Variants in EMCN observed in about 807,000 individuals in gnomAD.
EMCN encodes the protein endomucin.
In EMCN, 37 loss-of-function variants were observed where a neutral mutation model predicts 38.4. The ratio of observed to expected loss-of-function variants is 0.96; its 90% CI spans 0.74 to 1.27. The LOEUF (loss-of-function observed/expected upper bound fraction) is 1.27, where lower values mean the gene tolerates loss of function less well. Among genes scored for constraint, EMCN ranks in the 50% most tolerant of loss-of-function variants. The pLI, the probability that EMCN is intolerant of heterozygous loss-of-function variation, is 0.00. For missense variants in EMCN, 318 were observed against 302.8 expected (o/e 1.05, Z -0.37); for synonymous variants, 95 against 100.8 (o/e 0.94, Z 0.35).
chr4:100,488,899 T>A (rs1729007483), intron 1 of EMCN, among the ~76,000 whole-genome samples: 1 of 152,022 alleles, frequency 6.6e-6, no homozygotes, highest in Non-Finnish European at 1.5e-5. Context: ...TCAGAGAGAA[T>A]TTTTTTTGCC....
chr4:100,417,051 G>A, intron 9 of EMCN, 66 bp downstream of exon 9: 1 of 1,476,084 alleles, frequency 6.8e-7, no homozygotes, highest in Non-Finnish European at 9.5e-7. Flanking sequence ...AGTATAAGTA[G>A]AGTAACAATA....
intron 3 of EMCN, among the ~76,000 whole-genome samples, chr4:100,472,122 A>T (rs1728495022): frequency 6.6e-6 from 1 of 151,918 alleles, no homozygotes; most frequent in African/African-American, 2.4e-5. Context: ...TATAAATAAA[A>T]GAAAGTCATC....
Position 100,396,331 on chromosome 4 carries a change from C to T in EMCN, c.*2082G>A, listed in dbSNP as rs1319361685. The T allele has an allele frequency of 2.0e-5, 3 of 152,054 alleles. No individual in the cohort carries two copies. The highest frequency in any genetic ancestry group is 4.8e-5 in the African/African-American group (2 of 41,406). The allele number at this position is 152,054 out of a possible 1,614,324, so 9.4% of individuals were successfully genotyped here. On this transcript the variant is annotated 3_prime_UTR_variant, in exon 12 of 12. Coordinates refer to ENST00000296420, the MANE Select transcript of EMCN (RefSeq NM_016242.4). ...CTTTTCTGACCATTAAAATTGTTCC[C>T]TCTTCCTAATTCTTGTAAACTCTTT...
intron 2 of EMCN, among the ~76,000 whole-genome samples, chr4:100,476,187 C>T (rs1264807776): frequency 6.9e-6 from 1 of 144,530 alleles, no homozygotes; most frequent in Non-Finnish European, 1.5e-5. Context: ...CCCTCCCTCC[C>T]TTCTTCCTTC....
chr4:100,494,030 C>T (rs779883056), intron 1 of EMCN, among the ~76,000 whole-genome samples: 1 of 152,292 alleles, frequency 6.6e-6, no homozygotes, highest in East Asian at 1.9e-4. Context: ...AAAAACATAT[C>T]TTTTCCTTTT....
intron 5 of EMCN, among the ~76,000 whole-genome samples, chr4:100,434,858 T>C (rs1010306078): frequency 6.6e-6 from 1 of 151,952 alleles, no homozygotes; most frequent in Non-Finnish European, 1.5e-5. Context: ...ATAAACTGGG[T>C]ATTGAAGGAA....
intron 11 of EMCN, among the ~76,000 whole-genome samples, chr4:100,409,829 C>CG (rs1466418859): frequency 5.3e-5 from 8 of 152,320 alleles, no homozygotes; most frequent in Non-Finnish European, 1.2e-4. Context: ...CTGAGCCAGC[C>CG]TACGGCTGTG....
chr4:100,401,216 G>A (rs1053715145), intron 11 of EMCN, among the ~76,000 whole-genome samples: 1 of 151,890 alleles, frequency 6.6e-6, no homozygotes, highest in South Asian at 2.1e-4. Context: ...CATATCTGTG[G>A]GTTCTATGTC....
chr4:100,404,868 T>C (rs1322398077), intron 11 of EMCN, among the ~76,000 whole-genome samples: 2 of 152,182 alleles, frequency 1.3e-5, no homozygotes, highest in Non-Finnish European at 2.9e-5. Context: ...TTTCCATTGG[T>C]TCATGTCATT....
chr4:100,466,112 A>T (rs537800560), intron 3 of EMCN, among the ~76,000 whole-genome samples: 1 of 152,298 alleles, frequency 6.6e-6, no homozygotes, highest in African/African-American at 2.4e-5. Flanking sequence ...AAAATTTACA[A>T]CAAAAATATA....
chr4:100,480,368 A>G (rs1286994108), intron 1 of EMCN, among the ~76,000 whole-genome samples: 1 of 152,052 alleles, frequency 6.6e-6, no homozygotes, highest in African/African-American at 2.4e-5. Context: ...AAATGCTTAA[A>G]TGGGCACTCT....
intron 1 of EMCN, among the ~76,000 whole-genome samples, chr4:100,510,585 G>A (rs1242377695): frequency 6.6e-6 from 1 of 152,064 alleles, no homozygotes; most frequent in Admixed American, 6.5e-5. Flanking sequence ...CGCTATTCTG[G>A]GTGCTTTCTG....
At chr4:100,488,289 A>G (rs1728992011) in intron 1 of EMCN, among the ~76,000 whole-genome samples, 1 of 152,204 alleles carries the variant, frequency 6.6e-6, no homozygotes, top group Non-Finnish European at 1.5e-5. Context: ...CAGGAGTTCT[A>G]CATAATTGGT....
chr4:100,400,192 A>G (rs544293930), intron 11 of EMCN, among the ~76,000 whole-genome samples: 7 of 152,288 alleles, frequency 4.6e-5, no homozygotes, highest in African/African-American at 1.7e-4. Context: ...GACATTTTAA[A>G]AAATACAATA....
intron 5 of EMCN, among the ~76,000 whole-genome samples, chr4:100,434,233 C>G (rs1727284740): frequency 6.6e-6 from 1 of 152,066 alleles, no homozygotes; most frequent in Non-Finnish European, 1.5e-5. Flanking sequence ...TCAGAGACTA[C>G]TATAAACACC....
At chr4:100,428,267 G>A (rs977635458) in intron 5 of EMCN, among the ~76,000 whole-genome samples, 11 of 152,074 alleles carry the variant, frequency 7.2e-5, no homozygotes, top group African/African-American at 2.4e-4. Flanking sequence ...CTCTCCTCAA[G>A]TTCTAGCTCT....
At chr4:100,481,068 GA>G (rs1251078607) in intron 1 of EMCN, among the ~76,000 whole-genome samples, 2 of 151,894 alleles carry the variant, frequency 1.3e-5, no homozygotes, top group African/African-American at 2.4e-5. Flanking sequence ...AGAGAATTTG[GA>G]AAAAAATATT....
chr4:100,447,476 T>A, intron 5 of EMCN, 57 bp downstream of exon 5: 1 of 1,251,040 alleles, frequency 8.0e-7, no homozygotes, highest in Non-Finnish European at 1.2e-6. Context: ...ATTTGTTTTA[T>A]TCTTGAGATT....
chr4:100,399,636 C>A (rs1446391921), intron 11 of EMCN, among the ~76,000 whole-genome samples: 1 of 152,094 alleles, frequency 6.6e-6, no homozygotes, highest in African/African-American at 2.4e-5. Context: ...GCTTAAGTAC[C>A]ATGATTAGAA....
Sources: allele counts gnomAD v4.1 joint callset (sites outside exome capture counted in the v4.1 genomes callset), GRCh38; gene constraint gnomAD v4.1.1; transcripts MANE v1.5; gene names NCBI Gene and HGNC (gene_info 2026-07-23, HGNC 2026-07-21).